CDH6: variants seen among roughly 807,000 people sequenced by gnomAD.
CDH6 encodes cadherin 6, also known as cadherin-6.
In CDH6, 31 loss-of-function variants were observed where a neutral mutation model predicts 78.0. The observed-to-expected ratio is 0.40, with a 90% CI of 0.30 to 0.54. The LOEUF (loss-of-function observed/expected upper bound fraction) is 0.54, where lower values mean the gene tolerates loss of function less well. CDH6 is among the 20% of genes least tolerant of loss of function. The pLI is 0.56. For missense variants in CDH6, 724 were observed against 975.9 expected, an observed-to-expected ratio of 0.74 and a Z score of 3.44; for synonymous variants, 376 against 368.8, an observed-to-expected ratio of 1.02 and a Z score of -0.23.
rs184775159 is a variant in CDH6 at position 31,256,402 on chromosome 5, G to A, written c.-128-10944G>A. Among the ~76,000 whole-genome samples the A allele has an allele frequency of 5.9e-5, 9 of 152,214 alleles. No homozygotes were observed. In the East Asian group the frequency reaches 1.5e-3, roughly 26 times the overall value. On this transcript the variant is annotated intron_variant, in intron 1 of 11. Coordinates refer to ENST00000265071, the MANE Select transcript of CDH6 (RefSeq NM_004932.4). ...AACAGAAAGGCATTCCCTCTGGCTC[G>A]GAACTTAGAATTGGAGCTTGCCACC...
chr5:31,310,670 G>A (rs1738122188), intron 7 of CDH6, among the ~76,000 whole-genome samples: 1 of 152,202 alleles, frequency 6.6e-6, no homozygotes, highest in Admixed American at 6.5e-5. Context: ...CTAGGTGGGG[G>A]TTCCCAAACC....
chr5:31,292,826 T>TATATATATATGTGTGC (rs1274431415), intron 2 of CDH6, among the ~76,000 whole-genome samples: 1 of 67,406 alleles, frequency 1.5e-5, no homozygotes, highest in South Asian at 5.4e-4. Flanking sequence ...TGTGTGCATA[T>TATATATATATGTGTGC]ATATATATAT....
At chr5:31,210,356 T>G (rs1288725689) in intron 1 of CDH6, among the ~76,000 whole-genome samples, 3 of 151,956 alleles carry the variant, frequency 2.0e-5, no homozygotes, top group Non-Finnish European at 4.4e-5. Flanking sequence ...ATACAAAAAT[T>G]TGCCGGGCAT....
chr5:31,274,936 G>T (rs1437776385), intron 2 of CDH6, among the ~76,000 whole-genome samples: 1 of 152,236 alleles, frequency 6.6e-6, no homozygotes, highest in Non-Finnish European at 1.5e-5. Flanking sequence ...AACAGAGGTA[G>T]AAGTTGTTGC....
At chr5:31,198,014 T>C (rs570790024) in intron 1 of CDH6, among the ~76,000 whole-genome samples, 9 of 152,110 alleles carry the variant, frequency 5.9e-5, no homozygotes, top group Non-Finnish European at 1.2e-4. Context: ...ACCCACAAAG[T>C]AGGAAGATAA....
At chr5:31,210,524 T>C (rs4867057) in intron 1 of CDH6, among the ~76,000 whole-genome samples, 76,553 of 151,880 alleles carry the variant, frequency 0.5, 20,025 homozygotes, top group South Asian at 0.62. Flanking sequence ...TAAATAAGTA[T>C]TGCTGATACT....
intron 1 of CDH6, among the ~76,000 whole-genome samples, chr5:31,226,076 G>A (rs2111841484): frequency 6.6e-6 from 1 of 152,234 alleles, no homozygotes; most frequent in Middle Eastern, 3.4e-3. Flanking sequence ...GCACTTCTCA[G>A]GTTAGATATA....
intron 1 of CDH6, among the ~76,000 whole-genome samples, chr5:31,239,730 G>A (rs1366374232): frequency 1.3e-5 from 2 of 152,150 alleles, no homozygotes; most frequent in African/African-American, 2.4e-5. Context: ...ATCTGACAAG[G>A]CAAAGGCATA....
rs998790360 is a variant in CDH6, at chr5:31,327,243, T to G, written c.*3935T>G. Reference sequence around the variant, plus strand: ...TATGCAGTTGAAAAGAAAATCAAAGTTGATTCCTGGGTGCCAACTAAATAT... The same window carrying G: ...TATGCAGTTGAAAAGAAAATCAAAGGTGATTCCTGGGTGCCAACTAAATAT... On this transcript the variant is annotated 3_prime_UTR_variant, in exon 12 of 12. Transcript: ENST00000265071. 1 of 187,720 alleles carries G rather than the reference T, an allele frequency of 5.3e-6. No individual in the cohort carries two copies. The highest frequency in any genetic ancestry group is 8.6e-5 in the East Asian group (1 of 11,680). The allele number at this position is 187,720 out of a possible 1,614,324, so 11.6% of individuals were successfully genotyped here.
chr5:31,304,118 G>A (rs1351501857), intron 6 of CDH6, among the ~76,000 whole-genome samples: 1 of 151,630 alleles, frequency 6.6e-6, no homozygotes, highest in African/African-American at 2.4e-5. Flanking sequence ...CAAATAATTA[G>A]CCCAATGCCC....
chr5:31,243,602 T>C (rs1325207537), intron 1 of CDH6, among the ~76,000 whole-genome samples: 2 of 152,166 alleles, frequency 1.3e-5, no homozygotes, highest in African/African-American at 4.8e-5. Flanking sequence ...TGAGGCTTCT[T>C]TACTGGCCCA....
chr5:31,221,491 A>G (rs1741002822), intron 1 of CDH6, among the ~76,000 whole-genome samples: 1 of 152,224 alleles, frequency 6.6e-6, no homozygotes, highest in South Asian at 2.1e-4. Context: ...TATTTCATTG[A>G]TGAAGATTTT....
At chr5:31,237,051 A>G (rs1741473112) in intron 1 of CDH6, among the ~76,000 whole-genome samples, 1 of 152,190 alleles carries the variant, frequency 6.6e-6, no homozygotes, top group South Asian at 2.1e-4. Context: ...ACTTTTTGGC[A>G]AGATAGTATG....
intron 1 of CDH6, among the ~76,000 whole-genome samples, chr5:31,196,650 A>G (rs531553472): frequency 9.9e-5 from 15 of 152,280 alleles, no homozygotes; most frequent in African/African-American, 3.6e-4. Context: ...ACAAGTTAGT[A>G]TTCTCTAAGC....
At chr5:31,227,219 G>T (rs1741178075) in intron 1 of CDH6, among the ~76,000 whole-genome samples, 2 of 152,108 alleles carry the variant, frequency 1.3e-5, no homozygotes, top group South Asian at 2.1e-4. Flanking sequence ...GGAAAGGAAC[G>T]TACGGCGGGA....
rs1159270845 is a variant in CDH6, at chr5:31,323,470, A to G, written c.*162A>G. ...AATGTTAGAGACTTTTTTCTAGTAC[A>G]CTTTTATGAGCTTCCAAGGGGCAAA... is the stretch of plus-strand genomic sequence containing the variant. On this transcript the variant is annotated 3_prime_UTR_variant, in exon 12 of 12. Transcript: ENST00000265071. The G allele has an allele frequency of 2.5e-6, 2 of 798,430 alleles. No individual in the cohort carries two copies. The highest frequency in any genetic ancestry group is 1.7e-5 in the African/African-American group (1 of 57,626). 49.5% of individuals were successfully genotyped at this position (798,430 alleles called of 1,614,324 possible).
chr5:31,277,026 CA>C (rs1254606792), intron 2 of CDH6, among the ~76,000 whole-genome samples: 1 of 152,066 alleles, frequency 6.6e-6, no homozygotes, highest in East Asian at 1.9e-4. Flanking sequence ...CACTGATGGC[CA>C]ATGTTGTGAA....
At chr5:31,264,615 A>C (rs1456832401) in intron 1 of CDH6, among the ~76,000 whole-genome samples, 2 of 152,226 alleles carry the variant, frequency 1.3e-5, no homozygotes, top group South Asian at 4.1e-4. Context: ...TTTTTAAAAA[A>C]ACTATAGAAT....
Position 31,294,310 on chromosome 5 carries a change from G to T in CDH6, c.523+54G>T. 6.9e-7 allele frequency: 1 copy of T among 1,457,374 alleles called. No homozygotes were observed. Among genetic ancestry groups the T allele is most frequent in the South Asian group, 1.3e-5 (1 of 79,046 alleles). 90.3% of individuals were successfully genotyped at this position (1,457,374 alleles called of 1,614,324 possible). On this transcript the variant is annotated intron_variant, in intron 3 of 11. Transcript: ENST00000265071. This position sits in a 1 kb window ranked among gnomAD's most constrained non-coding sequence, Gnocchi z 4.1. ...CTGGCTTTCCCCTAGTGCATCCACTGAGTAAGGAATCCCACGAGCTCAAAG... is the reference window on the plus strand; with the variant it reads ...CTGGCTTTCCCCTAGTGCATCCACTTAGTAAGGAATCCCACGAGCTCAAAG...
Sources: allele counts gnomAD v4.1 joint callset (sites outside exome capture counted in the v4.1 genomes callset), GRCh38; gene constraint gnomAD v4.1.1; non-coding constraint Gnocchi (gnomAD v3.1); transcripts MANE v1.5; gene names NCBI Gene and HGNC (gene_info 2026-07-23, HGNC 2026-07-21).